Variants in PHKA1 observed in about 807,000 individuals in gnomAD.
PHKA1 encodes the protein phosphorylase kinase regulatory subunit alpha 1.
In PHKA1, 60 loss-of-function variants were observed where a neutral mutation model predicts 110.2. The observed-to-expected ratio is 0.54, with a 90% CI of 0.44 to 0.68. PHKA1 has a LOEUF of 0.68. Among genes scored for constraint, PHKA1 ranks in the 30% least tolerant of loss-of-function variants. The pLI is 0.00. For missense variants in PHKA1, 801 were observed against 942.5 expected, an observed-to-expected ratio of 0.85 and a Z score of 1.97; for synonymous variants, 316 against 333.6, an observed-to-expected ratio of 0.95 and a Z score of 0.58.
At chrX:72,681,621 G>T in intron 5 of PHKA1, among the ~76,000 whole-genome samples, 1 of 84,051 alleles carries the variant, frequency 1.2e-5, no homozygotes, top group African/African-American at 4.4e-5. Context: ...CCCCTACTGG[G>T]AAGTGAGGAG....
chrX:72,635,214 C>A lies in PHKA1; in HGVS notation c.1655G>T (p.Ser552Ile). 2 of 1,211,462 alleles carry A rather than the reference C, an allele frequency of 1.7e-6. No homozygotes were observed. The highest frequency in any genetic ancestry group is 2.2e-6 in the Non-Finnish European group (2 of 895,149). The stretch of plus-strand genomic sequence containing the variant: ...GGGCTGGCCTGTCATCCGCCAGCGG[C>A]TACAGAGGTAGGAGAGGTCTGTTCT... ...MLRTDLSYLC[S>I]RWRMTGQPTI... The change falls in exon 16 of 32, where the codon AGC (serine) becomes ATC (isoleucine). Residue 552 changes from serine to isoleucine, a missense_variant. By Grantham distance (142) the Ser-to-Ile change is moderately radical. Coordinates refer to ENST00000373542, the MANE Select transcript of PHKA1 (RefSeq NM_002637.4).
chrX:72,662,965 A>G (rs2053577715), intron 8 of PHKA1, among the ~76,000 whole-genome samples: 1 of 110,966 alleles, frequency 9.0e-6, no homozygotes, highest in South Asian at 3.9e-4. Flanking sequence ...ATGTGCATAT[A>G]TCAATTCAGG....
At position 72,703,096 on chromosome X, in the gene PHKA1, C is replaced by T. The variant is rs535091965; in HGVS notation, c.285+2102G>A. Among the ~76,000 whole-genome samples the T allele has an allele frequency of 4.5e-5, 5 of 111,516 alleles. 1 individual carries two copies. In the South Asian group the frequency reaches 1.9e-3, roughly 42 times the overall value. ...ATAAAACTAAGTTGTGCCCCAATCA[C>T]CCTGGGCACATGTCTTCAAGACCTC... On this transcript the variant is annotated intron_variant, in intron 3 of 31. Coordinates refer to ENST00000373542, the MANE Select transcript of PHKA1 (RefSeq NM_002637.4).
chrX:72,630,285 G>A (rs1451985834), intron 16 of PHKA1, among the ~76,000 whole-genome samples: 1 of 99,705 alleles, frequency 1.0e-5, no homozygotes, highest in Non-Finnish European at 2.1e-5. Context: ...AAGAAAAAGA[G>A]CGGGGGTGGG....
intron 17 of PHKA1, among the ~76,000 whole-genome samples, chrX:72,625,987 CA>C (rs782003583): frequency 2.7e-4 from 30 of 110,876 alleles, no homozygotes; most frequent in Non-Finnish European, 4.7e-4. Flanking sequence ...CTAGACAAAA[CA>C]AAGAAAACTT....
chrX:72,706,398 G>A (rs893945204), intron 2 of PHKA1, among the ~76,000 whole-genome samples: 4 of 111,592 alleles, frequency 3.6e-5, no homozygotes, highest in Non-Finnish European at 7.5e-5. Context: ...CCTACAAGAA[G>A]ACATCTATAT....
chrX:72,630,739 A>G (rs1202606692), intron 16 of PHKA1, among the ~76,000 whole-genome samples: 1 of 110,191 alleles, frequency 9.1e-6, no homozygotes, highest in Non-Finnish European at 1.9e-5. Context: ...CAAGAACTTT[A>G]TTATTATGTG....
intron 5 of PHKA1, among the ~76,000 whole-genome samples, chrX:72,677,730 C>T (rs920723879): frequency 2.5e-4 from 28 of 111,671 alleles, no homozygotes; most frequent in African/African-American, 9.1e-4. Context: ...TTCAGGTTGG[C>T]TCCTGTGACC....
In PHKA1 at chrX:72,663,229, T is replaced by C. The variant is rs375419659; in HGVS notation, c.864+2922A>G. Reference sequence around the variant, plus strand: ...AAACTTTAACGCAGAAGAATTCAATTAATGAAATAAAAAACACAATCAAGA... The same window carrying C: ...AAACTTTAACGCAGAAGAATTCAATCAATGAAATAAAAAACACAATCAAGA... On this transcript the variant is annotated intron_variant, in intron 8 of 31. Transcript: ENST00000373542. Among the ~76,000 whole-genome samples, 3 of 109,367 alleles carry C rather than the reference T, an allele frequency of 2.7e-5. No homozygotes were observed. The East Asian group carries it at 8.6e-4, about 31-fold the overall frequency. 95.0% of individuals were successfully genotyped at this position (109,367 alleles called of 115,157 possible). A position where few individuals can be genotyped will look rare whatever the true frequency, so the allele number is the denominator to read the frequency against.
intron 25 of PHKA1, among the ~76,000 whole-genome samples, chrX:72,603,709 T>C (rs895513217): frequency 3.6e-5 from 4 of 111,493 alleles, no homozygotes; most frequent in Non-Finnish European, 7.5e-5. Flanking sequence ...TTATTAAAAG[T>C]AGACTACATG....
At chrX:72,647,612 A>T (rs1343159918) in intron 13 of PHKA1, among the ~76,000 whole-genome samples, 1 of 111,304 alleles carries the variant, frequency 9.0e-6, no homozygotes, top group Non-Finnish European at 1.9e-5. Context: ...AATGAAGAAA[A>T]GCTGGGGGTG....
rs1013725815 is a variant in PHKA1, at chrX:72,578,929, C to T, written c.*2073G>A. On this transcript the variant is annotated 3_prime_UTR_variant, in exon 32 of 32. Coordinates refer to ENST00000373542, the MANE Select transcript of PHKA1 (RefSeq NM_002637.4). ...AGTCTAACATGTCTTTTTAGTACCACACACTTAAAATGAACAAAAAACAAG... is the reference window on the plus strand; with the variant it reads ...AGTCTAACATGTCTTTTTAGTACCATACACTTAAAATGAACAAAAAACAAG... The T allele has an allele frequency of 8.9e-6, 1 of 112,017 alleles. No homozygotes were observed. Among genetic ancestry groups the T allele is most frequent in the African/African-American group, 3.2e-5 (1 of 30,834 alleles). The allele number at this position is 112,017 out of a possible 1,213,427, so 9.2% of individuals were successfully genotyped here.
chrX:72,655,145 T>C (rs1019549689), intron 10 of PHKA1, among the ~76,000 whole-genome samples: 8 of 111,323 alleles, frequency 7.2e-5, no homozygotes, highest in Non-Finnish European at 1.3e-4. Flanking sequence ...TGGTGGCTCA[T>C]GCCTGTAATC....
chrX:72,667,465 C>T lies in PHKA1; in HGVS notation c.627G>A (p.Leu209=). The change falls in exon 7 of 32, where the codon CTG becomes CTA. Residue 209 remains leucine, a synonymous_variant. Coordinates refer to ENST00000373542, the MANE Select transcript of PHKA1 (RefSeq NM_002637.4). ...ACAGATCCAGTTCATCTAATGCTTC[C>T]AGGGCTGCCTGTGAGGAACAAGAAA... is the stretch of plus-strand genomic sequence containing the variant. ...ASSVGMAKAA[L]EALDELDLFG... is the part of the protein sequence containing the mutation. 1 of 1,203,947 alleles carries T rather than the reference C, an allele frequency of 8.3e-7. No homozygotes were observed. The highest frequency in any genetic ancestry group is 1.8e-5 in the South Asian group (1 of 56,754).
intron 25 of PHKA1, among the ~76,000 whole-genome samples, chrX:72,604,423 G>A (rs1300198418): frequency 1.8e-5 from 2 of 111,485 alleles, no homozygotes; most frequent in Non-Finnish European, 3.8e-5. Flanking sequence ...CATATGGTAG[G>A]TATAAAACAA....
intron 12 of PHKA1, among the ~76,000 whole-genome samples, chrX:72,652,150 T>A (rs1023021837): frequency 8.0e-5 from 9 of 112,343 alleles, no homozygotes; most frequent in Non-Finnish European, 1.7e-4. Context: ...AAATATCAGT[T>A]AATTTAGTTA....
chrX:72,611,116 A>G lies in PHKA1; in HGVS notation c.2438T>C (p.Leu813Pro). The G allele has an allele frequency of 8.3e-7, 1 of 1,202,332 alleles. No individual in the cohort carries two copies. Among genetic ancestry groups the G allele is most frequent in the Non-Finnish European group, 1.1e-6 (1 of 887,290 alleles). Reference protein sequence around the residue: ...SATVRELLTELYGKVGEIRHW... With the variant: ...SATVRELLTEPYGKVGEIRHW... ...ACGAATTTCTCCCACTTTGCCATAC[A>G]GCTCGGTAAGAAGCTCTCTCACTGT... The change falls in exon 22 of 32, where the codon CTG (leucine) becomes CCG (proline). Residue 813 changes from leucine to proline, a missense_variant. By Grantham distance (98) the Leu-to-Pro change is moderately conservative. Coordinates refer to ENST00000373542, the MANE Select transcript of PHKA1 (RefSeq NM_002637.4).
intron 5 of PHKA1, among the ~76,000 whole-genome samples, chrX:72,681,441 A>G (rs1252948881): frequency 1.2e-5 from 1 of 80,373 alleles, no homozygotes; most frequent in South Asian, 6.7e-4. Context: ...TCCGGGAGGG[A>G]GGTGGGGGGG....
intron 26 of PHKA1, 119 bp downstream of exon 26, chrX:72,603,000 T>C (rs1314052167): frequency 4.8e-5 from 25 of 524,589 alleles, no homozygotes; most frequent in Non-Finnish European, 8.4e-5. Context: ...TTCTGTTTTA[T>C]ATATTGGAGT....
Sources: allele counts gnomAD v4.1 joint callset (sites outside exome capture counted in the v4.1 genomes callset), GRCh38; gene constraint gnomAD v4.1.1; transcripts MANE v1.5; gene names NCBI Gene and HGNC (gene_info 2026-07-23, HGNC 2026-07-21).